The following CCDC18 variants were observed in gnomAD, a reference collection of about 807,000 sequenced individuals.
The protein encoded by CCDC18 is coiled-coil domain-containing protein 18.
Under a neutral mutation model 196.0 loss-of-function variants are expected in CCDC18, and 157 were observed. The observed-to-expected ratio is 0.80, with a 90% CI of 0.70 to 0.91. The LOEUF (loss-of-function observed/expected upper bound fraction) is 0.91. Among genes scored for constraint, CCDC18 ranks in the 40% least tolerant of loss-of-function variants. CCDC18 has a pLI of 0.00. For missense variants in CCDC18, 1,465 were observed against 1,611.6 expected (o/e 0.91, Z 1.56); for synonymous variants, 482 against 529.2 (o/e 0.91, Z 1.22).
intron 16 of CCDC18, among the ~76,000 whole-genome samples, chr1:93,225,711 A>AC (rs1325511033): frequency 6.6e-6 from 1 of 151,654 alleles, no homozygotes. Context: ...TGGGAGGTAG[A>AC]GGTTGCAGTG....
chr1:93,258,847 G>T lies in CCDC18; in HGVS notation c.3646G>T (p.Ala1216Ser). Residue 1216 changes from alanine to serine, a missense_variant, in exon 26 of 29, where the codon GCA (alanine) becomes TCA (serine). Ala to Ser is a moderately conservative substitution (Grantham distance 99). Transcript: ENST00000690025. ...RMQAEIKKLS[A>S]EVESLKEAYH... ...GCAAGCAGAAATCAAGAAATTGTCA[G>T]CAGAAGTAGAATCTCTCAAAGAAGC... 1 of 1,602,532 alleles carries T rather than the reference G, an allele frequency of 6.2e-7. No homozygotes were observed. The highest frequency in any genetic ancestry group is 8.5e-7 in the Non-Finnish European group (1 of 1,175,028).
rs576505465 is a variant in CCDC18 at position 93,278,601 on chromosome 1, T to C, written c.*124T>C. 1 of 436,722 alleles carries C rather than the reference T, an allele frequency of 2.3e-6. No homozygotes were observed. Among genetic ancestry groups the C allele is most frequent in the South Asian group, 7.5e-5 (1 of 13,358 alleles). The allele number at this position is 436,722 out of a possible 1,614,324, so 27.1% of individuals were successfully genotyped here. ...CTTTTGAATAAATTTTATATTTCAA[T>C]ATTTTAAAAGAAAGCCCTTCTAAAA... On this transcript the variant is annotated 3_prime_UTR_variant, in exon 29 of 29. Coordinates refer to ENST00000690025, the MANE Select transcript of CCDC18 (RefSeq NM_001378204.1).
chr1:93,215,121 T>C (rs1424714016), intron 12 of CCDC18, among the ~76,000 whole-genome samples, 155 bp downstream of exon 12: 2 of 152,244 alleles, frequency 1.3e-5, no homozygotes, highest in Non-Finnish European at 2.9e-5. Context: ...AAATTATATT[T>C]GGAAACCTTT....
chr1:93,204,194 T>G (rs917228086), intron 7 of CCDC18, among the ~76,000 whole-genome samples: 7 of 151,898 alleles, frequency 4.6e-5, no homozygotes, highest in Non-Finnish European at 1.0e-4. Flanking sequence ...GGCACAAGGG[T>G]CTGAATGATA....
intron 28 of CCDC18, among the ~76,000 whole-genome samples, chr1:93,271,916 CTCT>C (rs1004796604): frequency 1.2e-4 from 18 of 151,630 alleles, no homozygotes; most frequent in African/African-American, 4.4e-4. Flanking sequence ...TTTTCTGGTC[CTCT>C]TCTTATTTTG....
chr1:93,265,550 G>A (rs953291347), intron 27 of CCDC18, among the ~76,000 whole-genome samples: 1 of 152,160 alleles, frequency 6.6e-6, no homozygotes, highest in Non-Finnish European at 1.5e-5. Flanking sequence ...CTGCAGCTGT[G>A]TACAGTCCTA....
intron 25 of CCDC18, 68 bp downstream of exon 25, chr1:93,256,606 T>C (rs1662992955): frequency 7.9e-7 from 1 of 1,260,442 alleles, no homozygotes; most frequent in African/African-American, 1.5e-5. Flanking sequence ...TTTTGAACTG[T>C]AGAATATAGT....
Position 93,232,417 on chromosome 1 carries a change from A to G in CCDC18, c.2293-9A>G. On this transcript the variant is annotated splice_polypyrimidine_tract_variant and intron_variant, in intron 17 of 28. Coordinates refer to ENST00000690025, the MANE Select transcript of CCDC18 (RefSeq NM_001378204.1). ...ATTGTATTGAGAGATATATATATAT[A>G]TTTGCCAGGTATATTGTTTACAGAA... 2.7e-6 allele frequency: 4 copies of G among 1,508,456 alleles called. No individual in the cohort carries two copies. Among genetic ancestry groups the G allele is most frequent in the Non-Finnish European group, 3.6e-6 (4 of 1,100,610 alleles). The allele number at this position is 1,508,456 out of a possible 1,614,324, so 93.4% of individuals were successfully genotyped here. A position where few individuals can be genotyped will look rare whatever the true frequency, so the allele number is the denominator to read the frequency against.
rs1346917460 is a variant in CCDC18 at position 93,236,338 on chromosome 1, C to T, written c.2551C>T (p.His851Tyr). ...KMEEKCESAAHEADLKRQKVI... is the reference protein window; with the variant it reads ...KMEEKCESAAYEADLKRQKVI... ...GGAGGAGAAATGTGAATCAGCTGCA[C>T]ATGAAGCAGATTTGAAAAGGCAAAA... The change falls in exon 19 of 29, where the codon CAT (histidine) becomes TAT (tyrosine). Residue 851 changes from histidine (H) to tyrosine (Y), a missense_variant. Physicochemically the swap from His to Tyr is moderately conservative, Grantham distance 83. Coordinates refer to ENST00000690025, the MANE Select transcript of CCDC18 (RefSeq NM_001378204.1). The T allele has an allele frequency of 2.5e-6, 4 of 1,581,702 alleles. No individual in the cohort carries two copies. The Admixed American group carries it at 5.8e-5, about 23-fold the overall frequency.
At chr1:93,265,901 C>T (rs191793992) in intron 27 of CCDC18, among the ~76,000 whole-genome samples, 20 of 152,184 alleles carry the variant, frequency 1.3e-4, no homozygotes, top group African/African-American at 3.9e-4. Flanking sequence ...AGAAAATCAA[C>T]AAGGATATCC....
At chr1:93,236,196 A>G (rs1408208067) in intron 18 of CCDC18, 52 bp from the exon 19 acceptor site, 2 of 1,436,670 alleles carry the variant, frequency 1.4e-6, no homozygotes, top group East Asian at 4.9e-5. Context: ...ACATATTTAT[A>G]AAAGTATTTT....
At position 93,240,975 on chromosome 1, in the gene CCDC18, A is replaced by T. The variant is rs566219601; in HGVS notation, c.2981+1079A>T. Reference sequence around the variant, plus strand: ...CTTTATTTCCAAAACATATATATATATTTTTTTTCAGACAGATTCTTGCCC... The same window carrying T: ...CTTTATTTCCAAAACATATATATATTTTTTTTTTCAGACAGATTCTTGCCC... On this transcript the variant is annotated intron_variant, in intron 21 of 28. Transcript: ENST00000690025. Among the ~76,000 whole-genome samples the T allele has an allele frequency of 1.1e-3, 174 of 151,784 alleles. 1 individual carries two copies. Among genetic ancestry groups the T allele is most frequent in the South Asian group, 0.01 (50 of 4,806 alleles).
chr1:93,237,605 C>T (rs1660233767), intron 19 of CCDC18, among the ~76,000 whole-genome samples: 1 of 152,160 alleles, frequency 6.6e-6, no homozygotes, highest in South Asian at 2.1e-4. Context: ...AAAAACTTTT[C>T]CCCATAGCTC....
chr1:93,180,471 G>C (rs1216491630), upstream of CCDC18: 3 of 1,463,208 alleles, frequency 2.1e-6, no homozygotes, highest in South Asian at 1.2e-5. Flanking sequence ...CCTCAGTCTC[G>C]GCCCCCTCAG....
chr1:93,180,321 G>T, upstream of CCDC18: 1 of 1,453,576 alleles, frequency 6.9e-7, no homozygotes, highest in Non-Finnish European at 9.2e-7. Context: ...TGGACTCCTC[G>T]TGGTTGACAG....
At chr1:93,233,900 A>AT (rs1449574267) in intron 18 of CCDC18, among the ~76,000 whole-genome samples, 2 of 149,530 alleles carry the variant, frequency 1.3e-5, no homozygotes, top group African/African-American at 2.5e-5. Flanking sequence ...CCTGGCCTCT[A>AT]TTTTTTTTCA....
At chr1:93,248,009 C>CTT (rs71586785) in intron 23 of CCDC18, among the ~76,000 whole-genome samples, 1,645 of 69,750 alleles carry the variant, frequency 0.024, 2 homozygotes, top group Middle Eastern at 0.043. Flanking sequence ...TATTTTCCTT[C>CTT]TTTTTTTTTT....
chr1:93,256,244 G>A, intron 24 of CCDC18, 91 bp from the exon 25 acceptor site: 1 of 1,101,374 alleles, frequency 9.1e-7, no homozygotes, highest in Non-Finnish European at 1.3e-6. Context: ...TAGTTGGAAG[G>A]TGGAAATTTA....
rs1656221653 is a variant in CCDC18 at position 93,214,799 on chromosome 1, A to T, written c.1552A>T (p.Arg518Trp). Reference protein sequence around the residue: ...HTMNKQYEKERQRLVTGIEEL... With the variant: ...HTMNKQYEKEWQRLVTGIEEL... ...TATGAACAAGCAATATGAAAAAGAG[A>T]GGCAAAGACTTGTTACTGGAATAGA... is the stretch of plus-strand genomic sequence containing the variant. Residue 518 changes from arginine to tryptophan, a missense_variant, in exon 12 of 29, where the codon AGG (arginine) becomes TGG (tryptophan). Coordinates refer to ENST00000690025, the MANE Select transcript of CCDC18 (RefSeq NM_001378204.1). 2.5e-6 allele frequency: 4 copies of T among 1,613,200 alleles called. No homozygotes were observed. Among genetic ancestry groups the T allele is most frequent in the Non-Finnish European group, 3.4e-6 (4 of 1,179,694 alleles).
Sources: gnomAD v4.1 joint callset for allele counts (sites outside exome capture counted in the v4.1 genomes callset) on GRCh38, gnomAD v4.1.1 for gene constraint, MANE v1.5 for transcripts, NCBI Gene and HGNC (gene_info 2026-07-23, HGNC 2026-07-21) for gene names.